GALNT8: variants seen among roughly 807,000 people sequenced by gnomAD.
The protein encoded by GALNT8 is probable polypeptide N-acetylgalactosaminyltransferase 8.
A neutral mutation model predicts 62.7 loss-of-function variants in GALNT8; 66 were observed. The observed-to-expected ratio is 1.05, with a 90% CI of 0.86 to 1.29. The LOEUF (loss-of-function observed/expected upper bound fraction) is 1.29, where lower values mean the gene tolerates loss of function less well. Among genes scored for constraint, GALNT8 ranks in the 50% most tolerant of loss-of-function variants. The probability of loss-of-function intolerance (pLI) is 0.00; values close to 1 mark genes in which losing one functional copy is unlikely to be tolerated. For synonymous variants in GALNT8, 288 were observed against 294.3 expected, an observed-to-expected ratio of 0.98 and a Z score of 0.22; for missense variants, 771 against 791.8, an observed-to-expected ratio of 0.97 and a Z score of 0.32.
At chr12:4,747,290 C>A (rs1055638091) in intron 6 of GALNT8, among the ~76,000 whole-genome samples, 5 of 152,102 alleles carry the variant, frequency 3.3e-5, no homozygotes, top group African/African-American at 1.2e-4. Context: ...TCCTATTGTG[C>A]CATCAAATAG....
chr12:4,755,504 T>G (rs1234752158), intron 6 of GALNT8, among the ~76,000 whole-genome samples: 1 of 152,220 alleles, frequency 6.6e-6, no homozygotes, highest in Non-Finnish European at 1.5e-5. Flanking sequence ...CTACTGTCCT[T>G]TCTACCTCTT....
intron 1 of GALNT8, among the ~76,000 whole-genome samples, chr12:4,725,718 G>A (rs1337688225): frequency 6.6e-6 from 1 of 151,948 alleles, no homozygotes; most frequent in African/African-American, 2.4e-5. Flanking sequence ...ACCACACCCA[G>A]CTAATTTTTG....
In GALNT8 at chr12:4,726,701, A is replaced by G. The variant is rs1460947596; in HGVS notation, c.381A>G (p.Gln127=). ...KLFPHSQLFR[Q]WGEDLSEAQQ... is the part of the protein sequence containing the mutation. ...TCCCACACTCACAGCTTTTCAGGCAATGGGGCGAGGATCTTTCTGAGGCCC... is the reference window on the plus strand; with the variant it reads ...TCCCACACTCACAGCTTTTCAGGCAGTGGGGCGAGGATCTTTCTGAGGCCC... Residue 127 remains glutamine (Q), a synonymous_variant, in exon 2 of 11, where the codon CAA becomes CAG. Coordinates refer to ENST00000252318, the MANE Select transcript of GALNT8 (RefSeq NM_017417.2). This position sits in a 1 kb window ranked among gnomAD's most constrained non-coding sequence, Gnocchi z 4.1. 10 of 1,613,958 alleles carry G rather than the reference A, an allele frequency of 6.2e-6. No individual in the cohort carries two copies. Among genetic ancestry groups the G allele is most frequent in the African/African-American group, 1.3e-5 (1 of 74,912 alleles).
At chr12:4,736,468 C>T (rs753365881) in intron 2 of GALNT8, among the ~76,000 whole-genome samples, 8 of 151,778 alleles carry the variant, frequency 5.3e-5, no homozygotes, top group Non-Finnish European at 8.8e-5. Context: ...GCCTCCATGC[C>T]ACATATATCA....
At chr12:4,770,507 TAA>T in intron 10 of GALNT8, among the ~76,000 whole-genome samples, 1 of 152,070 alleles carries the variant, frequency 6.6e-6, no homozygotes, top group South Asian at 2.1e-4. Flanking sequence ...TTGGTCACAA[TAA>T]TTTATTGTGA....
intron 6 of GALNT8, among the ~76,000 whole-genome samples, chr12:4,755,611 T>C (rs1565387873): frequency 6.6e-6 from 1 of 152,196 alleles, no homozygotes; most frequent in Non-Finnish European, 1.5e-5. Flanking sequence ...GTGTAAATAG[T>C]GGTTAAATTT....
rs1946162939 is a variant in GALNT8 at position 4,720,779 on chromosome 12, A to C, written c.102A>C (p.Gln34His). The change falls in exon 1 of 11, where the codon CAA (glutamine) becomes CAC (histidine). Residue 34 changes from glutamine (Q) to histidine (H), a missense_variant. Transcript: ENST00000252318. ...LLVFSSKGTL[Q>H]NLFTGGLHRE... ...TATTTTCTAGCAAGGGGACTTTACA[A>C]AACCTGTTTACGGGTGGTCTCCACA... The C allele has an allele frequency of 6.2e-7, 1 of 1,612,676 alleles. No homozygotes were observed. The highest frequency in any genetic ancestry group is 8.5e-7 in the Non-Finnish European group (1 of 1,178,742).
intron 6 of GALNT8, among the ~76,000 whole-genome samples, chr12:4,754,848 A>G (rs1946337538): frequency 6.6e-6 from 1 of 152,170 alleles, no homozygotes; most frequent in South Asian, 2.1e-4. Flanking sequence ...CCTTCAAGGC[A>G]GCGAGCTCCC....
At chr12:4,757,251 C>G (rs1329400786) in intron 6 of GALNT8, among the ~76,000 whole-genome samples, 1 of 152,158 alleles carries the variant, frequency 6.6e-6, no homozygotes, top group Non-Finnish European at 1.5e-5. Flanking sequence ...GTGGTCTGAT[C>G]AGTTTTCCCA....
At position 4,765,412 on chromosome 12, in the gene GALNT8, G is replaced by C. The variant is rs1329088462; in HGVS notation, c.1627G>C (p.Val543Leu). Reference protein sequence around the residue: ...VYYHLTGELYVGQLIAEASAS... With the variant: ...VYYHLTGELYLGQLIAEASAS... ...CTATCACCTAACTGGGGAGCTCTATGTGGGACAACTGATTGCAGAGGCCAG... is the reference window on the plus strand; with the variant it reads ...CTATCACCTAACTGGGGAGCTCTATCTGGGACAACTGATTGCAGAGGCCAG... The change falls in exon 10 of 11, where the codon GTG becomes CTG. Residue 543 changes from valine (V) to leucine (L), a missense_variant. Physicochemically the swap from Val to Leu is conservative, Grantham distance 32 (BLOSUM62 1). Transcript: ENST00000252318. 6 of 1,439,676 alleles carry C rather than the reference G, an allele frequency of 4.2e-6. No homozygotes were observed. Among genetic ancestry groups the C allele is most frequent in the Non-Finnish European group, 5.8e-6 (6 of 1,040,038 alleles). 89.2% of individuals were successfully genotyped at this position (1,439,676 alleles called of 1,614,324 possible).
chr12:4,764,008 C>T lies in GALNT8; in HGVS notation c.1554C>T (p.Asn518=), dbSNP rs1204791166. 1 of 1,599,066 alleles carries T rather than the reference C, an allele frequency of 6.3e-7. No individual in the cohort carries two copies. Among genetic ancestry groups the T allele is most frequent in the African/African-American group, 1.3e-5 (1 of 74,800 alleles). ...TGGATCAGGGACCCGTTCCAGGCAA[C>T]ACCCCCATCATGTATTACTGCCATG... The part of the protein sequence containing the change: ...VCLDQGPVPG[N]TPIMYYCHEF... Residue 518 remains asparagine, a synonymous_variant, in exon 9 of 11, where the codon AAC becomes AAT. Coordinates refer to ENST00000252318, the MANE Select transcript of GALNT8 (RefSeq NM_017417.2).
intron 10 of GALNT8, among the ~76,000 whole-genome samples, chr12:4,765,969 C>T (rs909199904): frequency 1.3e-5 from 2 of 152,136 alleles, no homozygotes; most frequent in Non-Finnish European, 2.9e-5. Flanking sequence ...TTGGTAGAGA[C>T]GGGGTTTCAC....
rs764441963 is a variant in GALNT8, at chr12:4,772,594, G to C, written c.1911G>C (p.Gln637His). The C allele has an allele frequency of 4.3e-6, 7 of 1,612,546 alleles. No individual in the cohort carries two copies. The highest frequency in any genetic ancestry group is 5.9e-6 in the Non-Finnish European group (7 of 1,178,888). The stretch of plus-strand genomic sequence containing the variant: ...GAGACTGGGGTCAGACCAACAGCCA[G>C]TGATCCTCAGATGGTGCTGGATCTG... ...TVRDWGQTNS[Q>H] The change falls in exon 11 of 11, where the codon CAG (glutamine) becomes CAC (histidine). Residue 637 changes from glutamine to histidine, a missense_variant. Coordinates refer to ENST00000252318, the MANE Select transcript of GALNT8 (RefSeq NM_017417.2).
intron 10 of GALNT8, among the ~76,000 whole-genome samples, chr12:4,770,440 G>A (rs1946418661): frequency 6.6e-6 from 1 of 152,096 alleles, no homozygotes; most frequent in Admixed American, 6.5e-5. Flanking sequence ...TCATGTGGAA[G>A]TTGAGTGGAA....
At chr12:4,735,201 A>C (rs1405954226) in intron 2 of GALNT8, among the ~76,000 whole-genome samples, 2 of 152,224 alleles carry the variant, frequency 1.3e-5, no homozygotes, top group Non-Finnish European at 1.5e-5. Context: ...TAGCAAAACA[A>C]CTATTTGACT....
chr12:4,745,773 A>G (rs933042140), intron 5 of GALNT8, 147 bp downstream of exon 5: 5 of 653,454 alleles, frequency 7.7e-6, no homozygotes, highest in African/African-American at 5.4e-5. Flanking sequence ...ATAGAGGGAA[A>G]AAACCCCAAT....
At chr12:4,729,664 A>G (rs1946212456) in intron 2 of GALNT8, among the ~76,000 whole-genome samples, 1 of 152,124 alleles carries the variant, frequency 6.6e-6, no homozygotes, top group Non-Finnish European at 1.5e-5. Flanking sequence ...ATAGTATTCC[A>G]CTATTATGAA....
In GALNT8 at chr12:4,772,230, C is replaced by T. The variant is rs552254941; in HGVS notation, c.1762-215C>T. On this transcript the variant is annotated intron_variant, in intron 10 of 10. Coordinates refer to ENST00000252318, the MANE Select transcript of GALNT8 (RefSeq NM_017417.2). ...AGGGCATCACACGAAGCCAGCGCAA[C>T]ATCGCCTGGTTAGTCAGTTTGCCAT... Among the ~76,000 whole-genome samples, 37 of 152,352 alleles carry T rather than the reference C, an allele frequency of 2.4e-4. 1 individual carries two copies. Among genetic ancestry groups the T allele is most frequent in the Admixed American group, 2.0e-4 (3 of 15,310 alleles).
intron 1 of GALNT8, among the ~76,000 whole-genome samples, chr12:4,725,597 C>T (rs572992922): frequency 6.8e-6 from 1 of 147,038 alleles, no homozygotes; most frequent in Admixed American, 6.9e-5. Context: ...GCTCTGTTGC[C>T]CAGGCTGGAG....
Sources: allele counts gnomAD v4.1 joint callset (sites outside exome capture counted in the v4.1 genomes callset), GRCh38; gene constraint gnomAD v4.1.1; non-coding constraint Gnocchi (gnomAD v3.1); transcripts MANE v1.5; gene names NCBI Gene and HGNC (gene_info 2026-07-23, HGNC 2026-07-21).